The following NISCH variants were observed in gnomAD, a reference collection of about 807,000 sequenced individuals.
NISCH encodes nischarin.
In NISCH, 55 loss-of-function variants were observed where a neutral mutation model predicts 138.4. The observed-to-expected ratio is 0.40, with a 90% confidence interval of 0.32 to 0.50. NISCH has a LOEUF of 0.50. Ranked by LOEUF, NISCH falls within the 20% of genes least tolerant of loss-of-function variation. NISCH has a pLI of 0.71. For synonymous variants in NISCH, 860 were observed against 861.5 expected (o/e 1.00, Z 0.03); for missense variants, 1,643 against 2,005.5 (o/e 0.82, Z 3.45).
At chr3:52,463,672 G>A (rs1362590128) in intron 3 of NISCH, among the ~76,000 whole-genome samples, 1 of 141,768 alleles carries the variant, frequency 7.1e-6, no homozygotes, top group Non-Finnish European at 1.5e-5. Context: ...TCTCATTGTG[G>A]TTTTAATTTA....
rs374715342 is a variant in NISCH at position 52,483,404 on chromosome 3, C to T, written c.1529-1109C>T. Among the ~76,000 whole-genome samples the T allele has an allele frequency of 3.5e-3, 538 of 152,312 alleles. 4 individuals carry two copies. Among genetic ancestry groups the T allele is most frequent in the South Asian group, 0.019 (91 of 4,826 alleles). ...TGTAGGCCTCAGTGAGACTGGCGGC[C>T]GATGCCCAGTGTTCACCCTGCTGGC... On this transcript the variant is annotated intron_variant, in intron 13 of 20. Transcript: ENST00000345716.
chr3:52,483,994 G>A (rs1404138184), intron 13 of NISCH, among the ~76,000 whole-genome samples: 2 of 152,216 alleles, frequency 1.3e-5, no homozygotes, highest in Non-Finnish European at 2.9e-5. Flanking sequence ...GCCTTTCTTT[G>A]TGTACTTCTG....
At chr3:52,460,059 T>C (rs1303624439) in intron 3 of NISCH, among the ~76,000 whole-genome samples, 1 of 151,640 alleles carries the variant, frequency 6.6e-6, no homozygotes, top group Admixed American at 6.6e-5. Flanking sequence ...CAGATGCCTG[T>C]AATCCCAGCT....
At chr3:52,482,533 C>G (rs1265480832) in intron 13 of NISCH, among the ~76,000 whole-genome samples, 1 of 152,232 alleles carries the variant, frequency 6.6e-6, no homozygotes, top group African/African-American at 2.4e-5. Flanking sequence ...CTTGTAGCCC[C>G]TCTGAAGCTG....
chr3:52,473,198 C>T (rs1308646284), intron 6 of NISCH, among the ~76,000 whole-genome samples: 1 of 152,168 alleles, frequency 6.6e-6, no homozygotes, highest in Non-Finnish European at 1.5e-5. Context: ...GCCCTGCTGC[C>T]GATTGAGGAC....
chr3:52,481,418 A>G (rs1353304591), intron 13 of NISCH: 2 of 986,064 alleles, frequency 2.0e-6, no homozygotes, highest in African/African-American at 1.7e-5. Flanking sequence ...ATGATTGCCC[A>G]TTTTGCTTCT....
At chr3:52,472,746 C>G (rs186815858) in intron 6 of NISCH, among the ~76,000 whole-genome samples, 6 of 152,292 alleles carry the variant, frequency 3.9e-5, no homozygotes, top group African/African-American at 1.4e-4. Flanking sequence ...GAACTAAATA[C>G]AAGTCTGTAT....
chr3:52,492,022 A>C lies in NISCH; in HGVS notation c.4055A>C (p.Gln1352Pro), dbSNP rs1316693928. 1 of 1,613,260 alleles carries C rather than the reference A, an allele frequency of 6.2e-7. No homozygotes were observed. Among genetic ancestry groups the C allele is most frequent in the East Asian group, 2.2e-5 (1 of 44,886 alleles). The change falls in exon 21 of 21, where the codon CAG becomes CCG. Residue 1352 changes from glutamine (Q) to proline (P), a missense_variant. Coordinates refer to ENST00000345716, the MANE Select transcript of NISCH (RefSeq NM_007184.4). Reference sequence around the variant, plus strand: ...GCCCTCAGCATCCTGCTGTACGTGCAGGCCTTCCAGGTGGGCATGCCACCC... The same window carrying C: ...GCCCTCAGCATCCTGCTGTACGTGCCGGCCTTCCAGGTGGGCATGCCACCC... ...APALSILLYV[Q>P]AFQVGMPPPG...
intron 3 of NISCH, 53 bp from the exon 4 acceptor site, chr3:52,470,806 C>G: frequency 6.6e-7 from 1 of 1,511,550 alleles, no homozygotes; most frequent in South Asian, 1.1e-5. Flanking sequence ...AATGTGACCC[C>G]AGGGACTGGG....
chr3:52,472,352 T>G lies in NISCH; in HGVS notation c.623T>G (p.Leu208Arg). The change falls in exon 6 of 21, where the codon CTC becomes CGC. Residue 208 changes from leucine (L) to arginine (R), a missense_variant. Leu to Arg is a moderately radical substitution (Grantham distance 102). Transcript: ENST00000345716. ...PFGTSNIQEQ[L>R]LPFDLSIFKS... ...GGGACCAGCAACATTCAGGAGCAGCTCCTGCCGTTCGACCTATCAATATTC... is the reference window on the plus strand; with the variant it reads ...GGGACCAGCAACATTCAGGAGCAGCGCCTGCCGTTCGACCTATCAATATTC... 1 of 1,614,172 alleles carries G rather than the reference T, an allele frequency of 6.2e-7. No individual in the cohort carries two copies. Among genetic ancestry groups the G allele is most frequent in the Non-Finnish European group, 8.5e-7 (1 of 1,180,032 alleles).
In NISCH at chr3:52,457,900, A is replaced by T; in HGVS notation, c.151A>T (p.Ser51Cys). 3.1e-6 allele frequency: 5 copies of T among 1,611,448 alleles called. No individual in the cohort carries two copies. Among genetic ancestry groups the T allele is most frequent in the Non-Finnish European group, 3.4e-6 (4 of 1,177,702 alleles). Reference sequence around the variant, plus strand: ...TGAGTGGACAGTAAAGCACCGCTACAGCGACTTCCATGACCTGCATGAAAA... The same window carrying T: ...TGAGTGGACAGTAAAGCACCGCTACTGCGACTTCCATGACCTGCATGAAAA... ...SHEWTVKHRY[S>C]DFHDLHEKLV... The change falls in exon 2 of 21, where the codon AGC (serine) becomes TGC (cysteine). Residue 51 changes from serine (S) to cysteine (C), a missense_variant. By Grantham distance (112) the Ser-to-Cys change is moderately radical. Coordinates refer to ENST00000345716, the MANE Select transcript of NISCH (RefSeq NM_007184.4).
intron 7 of NISCH, among the ~76,000 whole-genome samples, chr3:52,474,444 C>T (rs549506142): frequency 2.2e-4 from 34 of 152,124 alleles, no homozygotes; most frequent in African/African-American, 7.7e-4. Flanking sequence ...CTACAGGTGC[C>T]CGCCACCACA....
At chr3:52,457,963 T>G (rs1291436946) in intron 2 of NISCH, 37 bp downstream of exon 2, 5 of 1,529,036 alleles carry the variant, frequency 3.3e-6, no homozygotes, top group Middle Eastern at 1.7e-4. Context: ...ATCTCAGGGC[T>G]GGGGGACCCG....
At chr3:52,485,174 C>T (rs1200155809) in intron 14 of NISCH, among the ~76,000 whole-genome samples, 1 of 152,164 alleles carries the variant, frequency 6.6e-6, no homozygotes, top group Non-Finnish European at 1.5e-5. Flanking sequence ...AGGAGGAAAG[C>T]AAGGGTGCTT....
chr3:52,479,936 G>GC lies in NISCH; in HGVS notation c.1416+76dup, dbSNP rs527585443. ...ATAGGAGCCAGTTTGGGGGGCTTGG[G>GC]CCATGGGACTGCTCAGGGCTGCCGA... On this transcript the variant is annotated intron_variant, in intron 12 of 20. Transcript: ENST00000345716. The GC allele has an allele frequency of 2.8e-4, 344 of 1,237,564 alleles. No individual in the cohort carries two copies. The African/African-American group carries it at 4.6e-3, about 17-fold the overall frequency. The allele number at this position is 1,237,564 out of a possible 1,614,324, so 76.7% of individuals were successfully genotyped here. A position where few individuals can be genotyped will look rare whatever the true frequency, so the allele number is the denominator to read the frequency against.
intron 6 of NISCH, 43 bp downstream of exon 6, chr3:52,472,441 G>A (rs1474535468): frequency 6.6e-7 from 1 of 1,508,222 alleles, no homozygotes; most frequent in Admixed American, 1.7e-5. Context: ...TCCCAACTCA[G>A]AGGCTAGAGA....
intron 7 of NISCH, 60 bp downstream of exon 7, chr3:52,473,889 G>A (rs895186906): frequency 4.0e-5 from 46 of 1,146,258 alleles, no homozygotes; most frequent in Non-Finnish European, 5.3e-5. Flanking sequence ...CTGGGCTGTG[G>A]TCTCCACCAC....
intron 7 of NISCH, among the ~76,000 whole-genome samples, chr3:52,475,422 C>T (rs993935481): frequency 6.6e-6 from 1 of 152,224 alleles, no homozygotes; most frequent in Non-Finnish European, 1.5e-5. Flanking sequence ...CATTGTCTGA[C>T]TTTATTCCTG....
At chr3:52,476,337 C>T (rs1578294773) in intron 7 of NISCH, 110 bp from the exon 8 acceptor site, 1 of 1,213,606 alleles carries the variant, frequency 8.2e-7, no homozygotes, top group Non-Finnish European at 1.2e-6. Flanking sequence ...AGTTTACTTC[C>T]ACATGCTAAA....
Sources: gnomAD v4.1 joint callset for allele counts (sites outside exome capture counted in the v4.1 genomes callset) on GRCh38, gnomAD v4.1.1 for gene constraint, MANE v1.5 for transcripts, NCBI Gene and HGNC (gene_info 2026-07-23, HGNC 2026-07-21) for gene names.